STK32B: variants seen among roughly 807,000 people sequenced by gnomAD.
STK32B encodes the protein serine/threonine-protein kinase 32B.
A neutral mutation model predicts 52.6 loss-of-function variants in STK32B; 43 were observed. The observed-to-expected ratio is 0.82, with a 90% CI of 0.64 to 1.05. STK32B has a LOEUF of 1.05. Among genes scored for constraint, STK32B ranks in the 50% least tolerant of loss-of-function variants. STK32B has a pLI of 0.00. For synonymous variants in STK32B, 238 were observed against 204.3 expected (o/e 1.17, Z -1.41); for missense variants, 621 against 534.6 (o/e 1.16, Z -1.59).
intron 3 of STK32B, among the ~76,000 whole-genome samples, chr4:5,256,987 G>A (rs1323106920): frequency 2.0e-5 from 3 of 152,284 alleles, no homozygotes; most frequent in Admixed American, 1.3e-4. Context: ...AAGTGGGTGA[G>A]GGGATGAATA....
chr4:5,322,289 A>G (rs911557307), intron 3 of STK32B, among the ~76,000 whole-genome samples: 5 of 152,118 alleles, frequency 3.3e-5, no homozygotes, highest in African/African-American at 4.8e-5. Context: ...CGAGCGCTCC[A>G]TTGTTGGATT....
At chr4:5,130,146 A>C (rs1173778043) in intron 1 of STK32B, among the ~76,000 whole-genome samples, 3 of 150,004 alleles carry the variant, frequency 2.0e-5, no homozygotes, top group Non-Finnish European at 4.4e-5. Context: ...TAGGGTGGTG[A>C]GGGAAGACCT....
At chr4:5,459,285 C>T (rs978384679) in intron 8 of STK32B, among the ~76,000 whole-genome samples, 1 of 54,656 alleles carries the variant, frequency 1.8e-5, no homozygotes, top group South Asian at 3.3e-4. Flanking sequence ...CTGGTGTGCC[C>T]CCCCCCCCCA....
chr4:5,129,634 C>G (rs1432224467), intron 1 of STK32B, among the ~76,000 whole-genome samples: 3 of 152,136 alleles, frequency 2.0e-5, no homozygotes, highest in African/African-American at 7.2e-5. Context: ...TAAATGTGAA[C>G]ACGAACTTGA....
intron 3 of STK32B, among the ~76,000 whole-genome samples, chr4:5,201,062 G>A (rs1722098707): frequency 6.6e-6 from 1 of 152,214 alleles, no homozygotes; most frequent in African/African-American, 2.4e-5. Flanking sequence ...TTTTAAAGCA[G>A]TTGCCCCACT....
Position 5,467,887 on chromosome 4 carries a change from C to T in STK32B, c.1042-119C>T, listed in dbSNP as rs1421374288. ...GCCCCAGACACTTAGCTTGGCTTGT[C>T]CCGGTCCCAAGCATCTGAGGTTTCC... On this transcript the variant is annotated intron_variant, in intron 10 of 11. Transcript: ENST00000282908. This position sits in a 1 kb window ranked among gnomAD's most constrained non-coding sequence, Gnocchi z 5.8. The T allele has an allele frequency of 5.3e-6, 6 of 1,141,568 alleles. No individual in the cohort carries two copies. Among genetic ancestry groups the T allele is most frequent in the Non-Finnish European group, 7.8e-6 (6 of 769,536 alleles). The allele number at this position is 1,141,568 out of a possible 1,614,324, so 70.7% of individuals were successfully genotyped here. A position where few individuals can be genotyped will look rare whatever the true frequency, so the allele number is the denominator to read the frequency against.
intron 6 of STK32B, among the ~76,000 whole-genome samples, chr4:5,433,449 G>A (rs1385165907): frequency 6.6e-6 from 1 of 152,194 alleles, no homozygotes; most frequent in Non-Finnish European, 1.5e-5. Flanking sequence ...CTGCCAGCCA[G>A]GATGTGGAAA....
At chr4:5,151,922 A>C (rs1201219684) in intron 2 of STK32B, among the ~76,000 whole-genome samples, 4 of 151,984 alleles carry the variant, frequency 2.6e-5, no homozygotes, top group Admixed American at 2.0e-4. Flanking sequence ...CCCCCTCCTC[A>C]TGTCACTGTG....
At chr4:5,094,085 T>A (rs1182606522) in intron 1 of STK32B, among the ~76,000 whole-genome samples, 1 of 152,170 alleles carries the variant, frequency 6.6e-6, no homozygotes, top group Non-Finnish European at 1.5e-5. Context: ...TTTTGTGAAA[T>A]ACCTCTTTAT....
At chr4:5,358,565 A>T (rs2108995050) in intron 4 of STK32B, among the ~76,000 whole-genome samples, 1 of 152,166 alleles carries the variant, frequency 6.6e-6, no homozygotes, top group African/African-American at 2.4e-5. Flanking sequence ...GAACAAAGAC[A>T]TTAAGATGGA....
intron 3 of STK32B, among the ~76,000 whole-genome samples, chr4:5,176,484 C>G (rs1248725605): frequency 1.4e-5 from 2 of 145,094 alleles, no homozygotes; most frequent in Non-Finnish European, 3.0e-5. Context: ...ACTCTTGTCA[C>G]CCAGGCTGGA....
At chr4:5,334,626 C>T (rs1478690358) in intron 4 of STK32B, among the ~76,000 whole-genome samples, 1 of 151,914 alleles carries the variant, frequency 6.6e-6, no homozygotes, top group African/African-American at 2.4e-5. Flanking sequence ...TCATAGATAG[C>T]TCTTATTATT....
intron 4 of STK32B, among the ~76,000 whole-genome samples, chr4:5,397,341 T>C (rs184897678): frequency 3.9e-5 from 6 of 152,254 alleles, no homozygotes; most frequent in South Asian, 2.1e-4. Flanking sequence ...TCCATCCTTA[T>C]ACTCAGTGGT....
At chr4:5,203,060 C>CTT (rs1722280625) in intron 3 of STK32B, among the ~76,000 whole-genome samples, 1 of 152,178 alleles carries the variant, frequency 6.6e-6, no homozygotes, top group South Asian at 2.1e-4. Flanking sequence ...ATCTTGGAAG[C>CTT]TTTGTGATCT....
At chr4:5,102,173 C>T (rs1051511757) in intron 1 of STK32B, among the ~76,000 whole-genome samples, 7 of 152,202 alleles carry the variant, frequency 4.6e-5, no homozygotes, top group South Asian at 2.1e-4. Context: ...TTCACATCAC[C>T]GTGCCTCAGT....
At chr4:5,276,273 A>G (rs1483692077) in intron 3 of STK32B, among the ~76,000 whole-genome samples, 1 of 152,096 alleles carries the variant, frequency 6.6e-6, no homozygotes, top group Non-Finnish European at 1.5e-5. Flanking sequence ...TGGGCAACAG[A>G]GTGAGACTCC....
At position 5,080,160 on chromosome 4, in the gene STK32B, TG is replaced by T. The variant is rs1450717787; in HGVS notation, c.52+28247del. Among the ~76,000 whole-genome samples the T allele has an allele frequency of 3.9e-5, 6 of 152,296 alleles. No individual in the cohort carries two copies. The South Asian group carries it at 1.2e-3, about 32-fold the overall frequency. ...TTACTCCAGTGCACAGAACCCTCTG[TG>T]GCTCCCTATTACTATCAGTGAAGAA... On this transcript the variant is annotated intron_variant, in intron 1 of 11. Coordinates refer to ENST00000282908, the MANE Select transcript of STK32B (RefSeq NM_018401.3).
intron 2 of STK32B, among the ~76,000 whole-genome samples, chr4:5,166,246 G>A (rs973419160): frequency 1.3e-5 from 2 of 151,996 alleles, no homozygotes; most frequent in African/African-American, 2.4e-5. Context: ...CACTGTGGGT[G>A]AAAAGTGACA....
chr4:5,105,884 A>G (rs1205815519), intron 1 of STK32B, among the ~76,000 whole-genome samples: 3 of 152,066 alleles, frequency 2.0e-5, no homozygotes, highest in African/African-American at 7.2e-5. Context: ...CTTTAAGTCA[A>G]TCTAATGAAT....
Sources: gnomAD v4.1 joint callset for allele counts (sites outside exome capture counted in the v4.1 genomes callset) on GRCh38, gnomAD v4.1.1 for gene constraint, Gnocchi (gnomAD v3.1) non-coding constraint, MANE v1.5 for transcripts, NCBI Gene and HGNC (gene_info 2026-07-23, HGNC 2026-07-21) for gene names.